The following PIGU variants were observed in gnomAD, a reference collection of about 807,000 sequenced individuals.
PIGU encodes the protein phosphatidylinositol glycan anchor biosynthesis class U, also known as GPI-anchor transamidase component PIGU.
A neutral mutation model predicts 49.9 loss-of-function variants in PIGU; 24 were observed. That is an observed-to-expected ratio of 0.48 (90% CI 0.35 to 0.68). PIGU has a LOEUF of 0.68. Among genes scored for constraint, PIGU ranks in the 30% least tolerant of loss-of-function variants. PIGU has a pLI of 0.01. For missense variants in PIGU, 490 were observed against 532.6 expected (o/e 0.92, Z 0.79); for synonymous variants, 220 against 205.7 (o/e 1.07, Z -0.59).
intron 1 of PIGU, among the ~76,000 whole-genome samples, chr20:34,664,093 C>A (rs1021414939): frequency 6.6e-6 from 1 of 152,188 alleles, no homozygotes; most frequent in African/African-American, 2.4e-5. Context: ...AATATGGCAT[C>A]ATATTACTTA....
intron 1 of PIGU, among the ~76,000 whole-genome samples, chr20:34,664,494 C>T (rs6059972): frequency 0.85 from 128,846 of 151,926 alleles, 54,785 homozygotes; most frequent in Admixed American, 0.92. Flanking sequence ...AGGTCAAGCA[C>T]TCAAGACCAG....
chr20:34,622,530 A>C (rs1985282132), intron 6 of PIGU, among the ~76,000 whole-genome samples: 1 of 151,278 alleles, frequency 6.6e-6, no homozygotes, highest in African/African-American at 2.5e-5. Context: ...AAAAACAAAA[A>C]CAAAAAAAAA....
At chr20:34,627,990 A>C (rs1420270852) in intron 6 of PIGU, among the ~76,000 whole-genome samples, 1 of 152,206 alleles carries the variant, frequency 6.6e-6, no homozygotes, top group African/African-American at 2.4e-5. Flanking sequence ...ACTCATAAGC[A>C]TTCCAAGAGA....
intron 6 of PIGU, among the ~76,000 whole-genome samples, chr20:34,621,173 A>G (rs1985207965): frequency 6.6e-6 from 1 of 152,144 alleles, no homozygotes; most frequent in Non-Finnish European, 1.5e-5. Context: ...CACCTAGTAC[A>G]GTTCCTGGCA....
At chr20:34,635,971 T>A (rs1468280058) in intron 5 of PIGU, among the ~76,000 whole-genome samples, 3 of 150,898 alleles carry the variant, frequency 2.0e-5, no homozygotes, top group African/African-American at 7.3e-5. Flanking sequence ...GGTGGGTGGA[T>A]CACTTGAGCT....
intron 6 of PIGU, among the ~76,000 whole-genome samples, chr20:34,632,004 T>C (rs978856670): frequency 6.7e-6 from 1 of 150,182 alleles, no homozygotes; most frequent in African/African-American, 2.4e-5. Context: ...CACACCTGGC[T>C]AATTTTGCTT....
At chr20:34,648,251 C>CAAA (rs34170509) in intron 2 of PIGU, among the ~76,000 whole-genome samples, 3 of 88,852 alleles carry the variant, frequency 3.4e-5, no homozygotes, top group Non-Finnish European at 4.7e-5. Context: ...GACCCTGTCT[C>CAAA]AAAAAAAAAA....
At chr20:34,620,393 G>C (rs1158673430) in intron 6 of PIGU, among the ~76,000 whole-genome samples, 1 of 152,146 alleles carries the variant, frequency 6.6e-6, no homozygotes, top group African/African-American at 2.4e-5. Flanking sequence ...TCGTTTGATA[G>C]CCAGGTGAAA....
intron 1 of PIGU, among the ~76,000 whole-genome samples, chr20:34,669,174 C>T (rs1987225352): frequency 6.6e-6 from 1 of 152,008 alleles, no homozygotes; most frequent in Admixed American, 6.6e-5. Flanking sequence ...GGCATAGCCA[C>T]TGTGCCCAGC....
chr20:34,584,504 C>CTTTTTT (rs5841174), intron 9 of PIGU, among the ~76,000 whole-genome samples: 51 of 66,402 alleles, frequency 7.7e-4, no homozygotes, highest in East Asian at 1.2e-3. Context: ...AACTCCTGTT[C>CTTTTTT]TTTTTTTTTT....
At chr20:34,672,141 A>G (rs1176888574) in intron 1 of PIGU, among the ~76,000 whole-genome samples, 1 of 151,864 alleles carries the variant, frequency 6.6e-6, no homozygotes, top group Admixed American at 6.6e-5. Context: ...GAGTTTTGCC[A>G]TGTTGCCCAG....
At chr20:34,585,966 G>A (rs747880946) in intron 8 of PIGU, among the ~76,000 whole-genome samples, 3 of 152,018 alleles carry the variant, frequency 2.0e-5, no homozygotes, top group Non-Finnish European at 4.4e-5. Context: ...CTGCCTAGAG[G>A]ACCACGCTCA....
chr20:34,656,504 G>A (rs1024364445), intron 2 of PIGU, among the ~76,000 whole-genome samples: 7 of 150,984 alleles, frequency 4.6e-5, no homozygotes, highest in Non-Finnish European at 8.8e-5. Flanking sequence ...GGATGGTTTC[G>A]ATTTCCTGAC....
chr20:34,579,190 A>G (rs1169947273), intron 10 of PIGU: 2 of 152,218 alleles, frequency 1.3e-5, no homozygotes, highest in African/African-American at 2.4e-5. Context: ...TACAATAGTA[A>G]TAAAAACAAA....
intron 6 of PIGU, among the ~76,000 whole-genome samples, chr20:34,624,792 A>G (rs1332600681): frequency 6.6e-6 from 1 of 152,208 alleles, no homozygotes; most frequent in Non-Finnish European, 1.5e-5. Flanking sequence ...TTCCCCAGCC[A>G]ACACTACAAT....
intron 9 of PIGU, among the ~76,000 whole-genome samples, chr20:34,584,405 C>G (rs1306473339): frequency 6.6e-6 from 1 of 151,982 alleles, no homozygotes; most frequent in Non-Finnish European, 1.5e-5. Context: ...CCAACTAAAC[C>G]ATCCAGAGTC....
chr20:34,585,657 A>C, intron 8 of PIGU, 77 bp from the exon 9 acceptor site: 1 of 1,537,022 alleles, frequency 6.5e-7, no homozygotes, highest in Non-Finnish European at 8.9e-7. Flanking sequence ...TTTCTCCTGA[A>C]GACTTTGGTC....
At chr20:34,577,420 C>T (rs2146701850) in intron 10 of PIGU, among the ~76,000 whole-genome samples, 1 of 152,232 alleles carries the variant, frequency 6.6e-6, no homozygotes, top group South Asian at 2.1e-4. Flanking sequence ...ACTCCCGCTA[C>T]AAAACAAAAT....
intron 1 of PIGU, among the ~76,000 whole-genome samples, chr20:34,676,277 G>C (rs1987494535): frequency 6.6e-6 from 1 of 152,160 alleles, no homozygotes; most frequent in Non-Finnish European, 1.5e-5. Context: ...TTCAGGGTCA[G>C]AATACTAAGG....
Sources: allele counts gnomAD v4.1 joint callset (sites outside exome capture counted in the v4.1 genomes callset), GRCh38; gene constraint gnomAD v4.1.1; transcripts MANE v1.5; gene names NCBI Gene and HGNC (gene_info 2026-07-23, HGNC 2026-07-21).